ESR2: variants seen among roughly 807,000 people sequenced by gnomAD.
ESR2 encodes estrogen receptor 2.
Under a neutral mutation model 49.6 loss-of-function variants are expected in ESR2, and 36 were observed. The ratio of observed to expected loss-of-function variants is 0.73; its 90% confidence interval spans 0.56 to 0.96. ESR2 has a LOEUF of 0.96. ESR2 is among the 40% of genes least tolerant of loss of function. ESR2 has a pLI of 0.00. For synonymous variants in ESR2, 320 were observed against 266.1 expected, an observed-to-expected ratio of 1.20 and a Z score of -1.97; for missense variants, 714 against 693.0, an observed-to-expected ratio of 1.03 and a Z score of -0.34.
intron 7 of ESR2, among the ~76,000 whole-genome samples, chr14:64,242,428 AAAAC>A (rs1179149299): frequency 9.5e-4 from 99 of 104,138 alleles, no homozygotes; most frequent in Admixed American, 4.3e-3. Flanking sequence ...CAAAAAAAAC[AAAAC>A]AAACAAACAA....
At chr14:64,322,750 C>G (rs147319388) in intron 1 of ESR2, among the ~76,000 whole-genome samples, 6 of 152,100 alleles carry the variant, frequency 3.9e-5, no homozygotes, top group Admixed American at 3.9e-4. Context: ...ATTTAAAATA[C>G]GCACTGTGAC....
intron 1 of ESR2, chr14:64,337,792 C>T (rs777292293): frequency 3.3e-5 from 5 of 152,132 alleles, no homozygotes; most frequent in Non-Finnish European, 5.9e-5. Context: ...TTTTAAAAGT[C>T]TGTTTTACAT....
chr14:64,234,770 G>A (rs572382017), intron 8 of ESR2, 200 bp downstream of exon 8: 8 of 1,226,156 alleles, frequency 6.5e-6, no homozygotes, highest in African/African-American at 4.6e-5. Context: ...TGCAGAGCCT[G>A]TAAGATACCA....
chr14:64,295,644 A>G (rs1044473987), upstream of ESR2, among the ~76,000 whole-genome samples: 8 of 152,010 alleles, frequency 5.3e-5, no homozygotes, highest in African/African-American at 1.9e-4. Flanking sequence ...CAACATGCCA[A>G]TCTCAGCCTC....
intron 1 of ESR2, among the ~76,000 whole-genome samples, chr14:64,288,101 CCT>C (rs148648384): frequency 1.3e-5 from 2 of 151,748 alleles, no homozygotes; most frequent in Admixed American, 6.6e-5. Context: ...TGTCCAGAGA[CCT>C]CTCTCTCTCT....
intron 3 of ESR2, among the ~76,000 whole-genome samples, chr14:64,272,768 G>T (rs1170364064): frequency 6.6e-6 from 1 of 152,082 alleles, no homozygotes; most frequent in Non-Finnish European, 1.5e-5. Flanking sequence ...GGTTGCTATA[G>T]CTCTATGGTA....
intron 2 of ESR2, 100 bp from the exon 3 acceptor site, chr14:64,280,253 T>C (rs1295628458): frequency 5.8e-6 from 5 of 857,762 alleles, no homozygotes; most frequent in Non-Finnish European, 9.4e-6. Context: ...ATTTAATCTC[T>C]TTTTCCTCCA....
At chr14:64,234,863 C>T (rs1372430554) in intron 8 of ESR2, 107 bp downstream of exon 8, 2 of 1,525,590 alleles carry the variant, frequency 1.3e-6, no homozygotes, top group Non-Finnish European at 1.8e-6. Context: ...CCCTTTCAGG[C>T]ATTCATTTTC....
intron 1 of ESR2, among the ~76,000 whole-genome samples, chr14:64,283,608 A>G (rs889526903): frequency 6.6e-6 from 1 of 151,878 alleles, no homozygotes; most frequent in African/African-American, 2.4e-5. Context: ...AAAATTAGCC[A>G]GGAATGGTGG....
intron 1 of ESR2, among the ~76,000 whole-genome samples, chr14:64,312,552 T>C (rs2077198626): frequency 6.6e-6 from 1 of 152,114 alleles, no homozygotes; most frequent in African/African-American, 2.4e-5. Flanking sequence ...AAAACAAACC[T>C]GAGAGGGGCG....
chr14:64,300,926 TCA>T (rs767197561), intron 1 of ESR2, among the ~76,000 whole-genome samples: 5 of 152,134 alleles, frequency 3.3e-5, no homozygotes, highest in Non-Finnish European at 5.9e-5. Context: ...GGGTGTTTGC[TCA>T]CAGATGATGA....
At chr14:64,271,095 A>G (rs1312266676) in intron 3 of ESR2, among the ~76,000 whole-genome samples, 1 of 151,958 alleles carries the variant, frequency 6.6e-6, no homozygotes, top group Non-Finnish European at 1.5e-5. Context: ...TTATTAAAAT[A>G]CTTTGATTTA....
intron 1 of ESR2, chr14:64,337,263 T>C (rs1596508798): frequency 6.6e-6 from 1 of 152,238 alleles, no homozygotes; most frequent in East Asian, 1.9e-4. Context: ...TATGCAGCTG[T>C]AGGCAACTTA....
chr14:64,269,013 G>A (rs774257972), intron 3 of ESR2, 102 bp from the exon 4 acceptor site: 23 of 733,864 alleles, frequency 3.1e-5, no homozygotes, highest in Middle Eastern at 3.4e-4. Context: ...TGAGAGATAG[G>A]GGACATCTTC....
chr14:64,293,720 C>A (rs1306796718), intron 1 of ESR2, among the ~76,000 whole-genome samples: 2 of 152,206 alleles, frequency 1.3e-5, no homozygotes, highest in Non-Finnish European at 2.9e-5. Context: ...TATTCAACTC[C>A]ATTGTCATTT....
intron 3 of ESR2, among the ~76,000 whole-genome samples, chr14:64,279,766 G>A (rs562691276): frequency 9.9e-5 from 15 of 152,278 alleles, no homozygotes; most frequent in African/African-American, 2.4e-4. Context: ...AGACCCATTC[G>A]AGTTGGCTGT....
At chr14:64,227,271 CTCATGGGT>C (rs1366027347), downstream of ESR2, 1 of 496,784 alleles carries the variant, frequency 2.0e-6, no homozygotes, top group Non-Finnish European at 3.6e-6. Context: ...ATTGGTGCCC[CTCATGGGT>C]GAGACATCTG....
intron 1 of ESR2, among the ~76,000 whole-genome samples, chr14:64,311,406 G>A (rs887693353): frequency 3.3e-5 from 5 of 152,024 alleles, no homozygotes; most frequent in African/African-American, 1.2e-4. Context: ...TTGGGAGGCT[G>A]AGGCAGGCGG....
intron 5 of ESR2, among the ~76,000 whole-genome samples, chr14:64,259,348 C>G (rs900004371): frequency 2.6e-5 from 4 of 152,244 alleles, no homozygotes; most frequent in Admixed American, 1.3e-4. Flanking sequence ...CTTCTCACCC[C>G]TCCTCATCTT....
Sources: allele counts gnomAD v4.1 joint callset (sites outside exome capture counted in the v4.1 genomes callset), GRCh38; gene constraint gnomAD v4.1.1; transcripts MANE v1.5; gene names NCBI Gene and HGNC (gene_info 2026-07-23, HGNC 2026-07-21).